The following COP1 variants were observed in gnomAD, a reference collection of about 807,000 sequenced individuals.
The protein encoded by COP1 is E3 ubiquitin-protein ligase COP1.
COP1 carries 24 observed loss-of-function variants against 101.3 expected under a neutral mutation model. That is an observed-to-expected ratio of 0.24 (90% confidence interval 0.17 to 0.33). The LOEUF is 0.33. COP1 is among the 10% of genes least tolerant of loss of function. The pLI is 1.00. For synonymous variants in COP1, 347 were observed against 341.9 expected, an observed-to-expected ratio of 1.01 and a Z score of -0.17; for missense variants, 663 against 906.2, an observed-to-expected ratio of 0.73 and a Z score of 3.45.
chr1:176,103,865 GT>G (rs1195094680), intron 9 of COP1, among the ~76,000 whole-genome samples: 1 of 152,034 alleles, frequency 6.6e-6, no homozygotes, highest in Admixed American at 6.5e-5. Context: ...GAGATAATTG[GT>G]AAGATAAAGG....
chr1:176,013,825 G>A (rs1054747959), intron 15 of COP1, among the ~76,000 whole-genome samples: 10 of 152,120 alleles, frequency 6.6e-5, no homozygotes, highest in South Asian at 4.1e-4. Context: ...ATTTAAATAC[G>A]TGCACATGTA....
At chr1:176,011,133 A>G (rs1373440869) in intron 15 of COP1, among the ~76,000 whole-genome samples, 1 of 152,200 alleles carries the variant, frequency 6.6e-6, no homozygotes, top group African/African-American at 2.4e-5. Flanking sequence ...AAAACAAAAT[A>G]ATGTGGTGGC....
chr1:175,968,148 G>C (rs2148581197), intron 18 of COP1, among the ~76,000 whole-genome samples: 1 of 152,342 alleles, frequency 6.6e-6, no homozygotes, highest in South Asian at 2.1e-4. Context: ...GGGATTACAG[G>C]TGTGAGCCAC....
rs531392719 is a variant in COP1 at position 176,160,970 on chromosome 1, T to C, written c.762+1899A>G. 3.3e-5 allele frequency among the ~76,000 whole-genome samples: 5 copies of C among 152,310 alleles called. No individual in the cohort carries two copies. The South Asian group carries it at 1.0e-3, about 32-fold the overall frequency. The stretch of plus-strand genomic sequence containing the variant: ...ATAAGAAGGAATCAGGGATTCCAAC[T>C]GCTTCTTAAACAGATTCTCAACCAC... On this transcript the variant is annotated intron_variant, in intron 5 of 19. Coordinates refer to ENST00000367669, the MANE Select transcript of COP1 (RefSeq NM_022457.7).
At chr1:176,113,962 T>A (rs1433427402) in intron 9 of COP1, among the ~76,000 whole-genome samples, 3 of 147,008 alleles carry the variant, frequency 2.0e-5, no homozygotes, top group Non-Finnish European at 4.5e-5. Context: ...TTTTTTTTTA[T>A]AGTTTGCACA....
intron 15 of COP1, among the ~76,000 whole-genome samples, chr1:176,021,540 G>A (rs371883151): frequency 2.6e-5 from 4 of 151,890 alleles, no homozygotes; most frequent in African/African-American, 9.7e-5. Flanking sequence ...TAATAAATAC[G>A]GGACATAATT....
chr1:176,160,317 T>C, intron 5 of COP1: 1 of 373,752 alleles, frequency 2.7e-6, no homozygotes, highest in Non-Finnish European at 5.2e-6. Flanking sequence ...GCAGAATGTG[T>C]AGGTTTGTTA....
At chr1:176,186,276 C>T (rs1698428308) in intron 1 of COP1, among the ~76,000 whole-genome samples, 1 of 151,748 alleles carries the variant, frequency 6.6e-6, no homozygotes, top group East Asian at 1.9e-4. Flanking sequence ...ACACAGAACA[C>T]CTCTATGCAA....
chr1:176,034,518 A>G (rs1456214613), intron 14 of COP1, among the ~76,000 whole-genome samples: 5 of 152,244 alleles, frequency 3.3e-5, no homozygotes, highest in Non-Finnish European at 7.3e-5. Context: ...CCCTACTAAC[A>G]GAATTCAGCA....
At chr1:176,057,867 C>T (rs1467721883) in intron 11 of COP1, among the ~76,000 whole-genome samples, 4 of 151,526 alleles carry the variant, frequency 2.6e-5, no homozygotes, top group Admixed American at 1.3e-4. Context: ...TCTTCCCCGC[C>T]GCCATCCCAT....
At chr1:176,137,232 A>C (rs1040776379) in intron 6 of COP1, among the ~76,000 whole-genome samples, 4 of 152,214 alleles carry the variant, frequency 2.6e-5, no homozygotes, top group African/African-American at 9.6e-5. Context: ...ACTAAAATGC[A>C]AACATTGTAA....
At chr1:175,975,245 T>C (rs1654242149) in intron 18 of COP1, among the ~76,000 whole-genome samples, 1 of 152,088 alleles carries the variant, frequency 6.6e-6, no homozygotes, top group East Asian at 1.9e-4. Flanking sequence ...CTTTAAACAA[T>C]TTACTAATAT....
At chr1:176,014,979 G>C (rs1665369227) in intron 15 of COP1, among the ~76,000 whole-genome samples, 1 of 152,110 alleles carries the variant, frequency 6.6e-6, no homozygotes, top group Non-Finnish European at 1.5e-5. Flanking sequence ...ATAAAATATA[G>C]ATCAAGTGAT....
At chr1:176,095,461 T>C (rs1214313512) in intron 9 of COP1, among the ~76,000 whole-genome samples, 9 of 152,172 alleles carry the variant, frequency 5.9e-5, no homozygotes, top group African/African-American at 1.7e-4. Context: ...GGCAGGCAGA[T>C]TGCTTGAGTC....
chr1:176,191,208 A>G (rs1699088177), intron 1 of COP1, among the ~76,000 whole-genome samples: 1 of 152,090 alleles, frequency 6.6e-6, no homozygotes, highest in African/African-American at 2.4e-5. Flanking sequence ...TTATTTGTCC[A>G]AAGTTAAATT....
chr1:176,206,592 G>A lies in COP1; in HGVS notation c.387C>T (p.Asp129=). 6.2e-7 allele frequency: 1 copy of A among 1,611,238 alleles called. No individual in the cohort carries two copies. Among genetic ancestry groups the A allele is most frequent in the South Asian group, 1.1e-5 (1 of 91,076 alleles). The change falls in exon 1 of 20, where the codon GAC becomes GAT. Residue 129 remains aspartate, a synonymous_variant. Transcript: ENST00000367669. ...CCCACCATACGAAGTCGTTGCTTTT[G>A]TCCTCGTAGGAGTTGATGAGCCCGT... is the stretch of plus-strand genomic sequence containing the variant. The part of the protein sequence containing the change: ...LCNGLINSYE[D]KSNDFVCPIC...
At chr1:176,156,928 T>C (rs955201471) in intron 5 of COP1, among the ~76,000 whole-genome samples, 2 of 152,190 alleles carry the variant, frequency 1.3e-5, no homozygotes, top group African/African-American at 4.8e-5. Context: ...CTGGGTCTGG[T>C]GGCTCACACC....
At chr1:176,118,406 G>C (rs1004855827) in intron 8 of COP1, among the ~76,000 whole-genome samples, 9 of 151,876 alleles carry the variant, frequency 5.9e-5, no homozygotes, top group Non-Finnish European at 1.0e-4. Context: ...AAAGAAAGAA[G>C]TTCTAAGGTT....
At chr1:176,058,116 C>G (rs1443271794) in intron 11 of COP1, among the ~76,000 whole-genome samples, 3 of 112,770 alleles carry the variant, frequency 2.7e-5, no homozygotes, top group African/African-American at 9.1e-5. Flanking sequence ...CCAGCCACCC[C>G]GTCGGGAGGG....
Sources: gnomAD v4.1 joint callset for allele counts (sites outside exome capture counted in the v4.1 genomes callset) on GRCh38, gnomAD v4.1.1 for gene constraint, MANE v1.5 for transcripts, NCBI Gene and HGNC (gene_info 2026-07-23, HGNC 2026-07-21) for gene names.